Variants in TBCE observed in about 807,000 individuals in gnomAD.
TBCE encodes tubulin-specific chaperone E.
A neutral mutation model predicts 77.0 loss-of-function variants in TBCE; 53 were observed. The observed-to-expected ratio is 0.69, with a 90% CI of 0.55 to 0.87. The LOEUF is 0.87. Among genes scored for constraint, TBCE ranks in the 40% least tolerant of loss-of-function variants. TBCE has a pLI of 0.00. For missense variants in TBCE, 624 were observed against 622.4 expected (o/e 1.00, Z -0.03); for synonymous variants, 235 against 241.3 (o/e 0.97, Z 0.24).
At chr1:235,434,599 C>T (rs1681306370) in intron 8 of TBCE, among the ~76,000 whole-genome samples, 3 of 150,416 alleles carry the variant, frequency 2.0e-5, no homozygotes, top group South Asian at 2.1e-4. Context: ...AGTGCAGTGG[C>T]GATCTTGGCT....
At chr1:235,381,917 A>C in intron 2 of TBCE, among the ~76,000 whole-genome samples, 2 of 140,712 alleles carry the variant, frequency 1.4e-5, no homozygotes, top group Admixed American at 7.2e-5. Context: ...GCACCCATTA[A>C]CTCGTCATTT....
Position 235,374,583 on chromosome 1 carries a change from C to G in TBCE, c.-31-5436C>G, listed in dbSNP as rs569218309. On this transcript the variant is annotated intron_variant, in intron 1 of 16. Transcript: ENST00000642610. ...TGGTGCAATCTGGGCTCACTGCAAC[C>G]TCCGCCTCCTGGATTCAAGTGATTC... Among the ~76,000 whole-genome samples the G allele has an allele frequency of 7.7e-4, 112 of 145,740 alleles. 16 individuals are homozygous for G. Among genetic ancestry groups the G allele is most frequent in the African/African-American group, 2.9e-3 (110 of 37,772 alleles).
chr1:235,432,404 G>GTGGCCATGGAGCCTC (rs1285795669), intron 7 of TBCE, among the ~76,000 whole-genome samples: 1 of 152,172 alleles, frequency 6.6e-6, no homozygotes, highest in Non-Finnish European at 1.5e-5. Flanking sequence ...TAATATGCCC[G>GTGGCCATGGAGCCTC]TGGCCATGGA....
chr1:235,430,664 T>G, intron 6 of TBCE, 41 bp from the exon 7 acceptor site: 1 of 1,440,682 alleles, frequency 6.9e-7, no homozygotes, highest in Non-Finnish European at 9.7e-7. Context: ...TTGGGTTTAC[T>G]GTATAGAAAT....
intron 1 of TBCE, among the ~76,000 whole-genome samples, chr1:235,372,706 C>T (rs992269815): frequency 1.3e-5 from 2 of 151,584 alleles, no homozygotes; most frequent in African/African-American, 4.8e-5. Context: ...GGGCGGATCT[C>T]GAGGTCAGGA....
At chr1:235,369,813 C>G (rs1676795703) in intron 1 of TBCE, among the ~76,000 whole-genome samples, 4 of 141,874 alleles carry the variant, frequency 2.8e-5, no homozygotes. Flanking sequence ...GTCTGGGCAA[C>G]AAGGGCAAAA....
At chr1:235,400,408 C>CTTTTTTTTTTTTTTTTTTTTTTTTT (rs71174425) in intron 2 of TBCE, among the ~76,000 whole-genome samples, 3 of 106,050 alleles carry the variant, frequency 2.8e-5, no homozygotes, top group African/African-American at 8.5e-5. Flanking sequence ...TATTTTTCCT[C>CTTTTTTTTTTTTTTTTTTTTTTTTT]TTTTTTTTTT....
chr1:235,386,959 A>T (rs1466207722), intron 2 of TBCE, among the ~76,000 whole-genome samples: 1 of 151,938 alleles, frequency 6.6e-6, no homozygotes, highest in Non-Finnish European at 1.5e-5. Flanking sequence ...GATGATGGTG[A>T]TGTACAGATG....
chr1:235,427,127 C>A lies in TBCE; in HGVS notation c.461-13C>A. 6.4e-7 allele frequency: 1 copy of A among 1,554,358 alleles called. No individual in the cohort carries two copies. Among genetic ancestry groups the A allele is most frequent in the South Asian group, 1.1e-5 (1 of 89,858 alleles). ...ATCTTTTGAAATTACTGTTTCTTAA[C>A]ATGTGCTTTTAGATATCAGAAAGGT... is the stretch of plus-strand genomic sequence containing the variant. On this transcript the variant is annotated splice_polypyrimidine_tract_variant and intron_variant, in intron 5 of 16. Coordinates refer to ENST00000642610, the MANE Select transcript of TBCE (RefSeq NM_003193.5).
intron 1 of TBCE, among the ~76,000 whole-genome samples, chr1:235,370,089 C>T (rs926930001): frequency 6.6e-6 from 1 of 152,072 alleles, no homozygotes; most frequent in Non-Finnish European, 1.5e-5. Flanking sequence ...CTCTGACAAG[C>T]CACTGCCATC....
At chr1:235,376,514 T>C (rs1466412208) in intron 1 of TBCE, among the ~76,000 whole-genome samples, 1 of 152,194 alleles carries the variant, frequency 6.6e-6, no homozygotes, top group Non-Finnish European at 1.5e-5. Flanking sequence ...TAATTTCTTG[T>C]AGGAGTGGAG....
chr1:235,448,221 A>C (rs996819007), intron 15 of TBCE, 128 bp from the exon 16 acceptor site: 30 of 136,708 alleles, frequency 2.2e-4, no homozygotes, highest in African/African-American at 1.3e-3. Flanking sequence ...AGTCAGTCTC[A>C]AAAAAAAAAA....
chr1:235,400,408 C>CTTCTTTTTTTTTTTTTTTT (rs150764928), intron 2 of TBCE, among the ~76,000 whole-genome samples: 13 of 106,028 alleles, frequency 1.2e-4, no homozygotes, highest in African/African-American at 5.5e-4. Context: ...TATTTTTCCT[C>CTTCTTTTTTTTTTTTTTTT]TTTTTTTTTT....
chr1:235,422,506 A>T (rs936585765), intron 5 of TBCE, among the ~76,000 whole-genome samples: 1 of 141,054 alleles, frequency 7.1e-6, no homozygotes, highest in African/African-American at 2.7e-5. Flanking sequence ...ACAGAGCAGG[A>T]CTCCATCTCA....
intron 2 of TBCE, among the ~76,000 whole-genome samples, chr1:235,400,555 C>A (rs1190913772): frequency 6.6e-6 from 1 of 151,010 alleles, no homozygotes; most frequent in Non-Finnish European, 1.5e-5. Context: ...CGCTCGCCAC[C>A]GTGCCTGGCT....
chr1:235,435,840 G>A lies in TBCE; in HGVS notation c.833G>A (p.Arg278Lys). ...NQLYLIAHLP[R>K]LEQLILSDTG... ...CTGTATCTGATAGCCCACCTGCCCA[G>A]GTAATTTGCCCCTAAATGCCTGATA... The change falls in exon 9 of 17, where the codon AGG (arginine) becomes AAG (lysine). Residue 278 changes from arginine to lysine, a missense_variant and splice_region_variant. By Grantham distance (26) the Arg-to-Lys change is conservative. Coordinates refer to ENST00000642610, the MANE Select transcript of TBCE (RefSeq NM_003193.5). The A allele has an allele frequency of 6.2e-7, 1 of 1,613,798 alleles. No homozygotes were observed. Among genetic ancestry groups the A allele is most frequent in the African/African-American group, 1.3e-5 (1 of 75,016 alleles).
At chr1:235,380,327 AG>A (rs2102814117) in intron 2 of TBCE, among the ~76,000 whole-genome samples, 178 bp downstream of exon 2, 1 of 152,208 alleles carries the variant, frequency 6.6e-6, no homozygotes, top group East Asian at 1.9e-4. Flanking sequence ...TCTGAGTGAC[AG>A]TATCCTGTGG....
chr1:235,435,765 C>A lies in TBCE; in HGVS notation c.758C>A (p.Thr253Lys). ...ISERPTDVLQ[T>K]VKLLDLSSNQ... The stretch of plus-strand genomic sequence containing the variant: ...TACAGGCCAACAGATGTTCTCCAGA[C>A]AGTCAAGTTATTAGATCTTTCCTCT... The change falls in exon 9 of 17, where the codon ACA becomes AAA. Residue 253 changes from threonine to lysine, a missense_variant. Transcript: ENST00000642610. 6.2e-7 allele frequency: 1 copy of A among 1,614,072 alleles called. No homozygotes were observed. Among genetic ancestry groups the A allele is most frequent in the Non-Finnish European group, 8.5e-7 (1 of 1,179,952 alleles).
At chr1:235,426,471 G>C (rs1182019707) in intron 5 of TBCE, among the ~76,000 whole-genome samples, 1 of 152,150 alleles carries the variant, frequency 6.6e-6, no homozygotes, top group Non-Finnish European at 1.5e-5. Context: ...GTCATGTGCT[G>C]GGGTGAGGCT....
Sources: gnomAD v4.1 joint callset for allele counts (sites outside exome capture counted in the v4.1 genomes callset) on GRCh38, gnomAD v4.1.1 for gene constraint, MANE v1.5 for transcripts, NCBI Gene and HGNC (gene_info 2026-07-23, HGNC 2026-07-21) for gene names.